Variants in DPP10 observed in about 807,000 individuals in gnomAD.
DPP10 encodes the protein dipeptidyl peptidase like 10, also known as inactive dipeptidyl peptidase 10.
DPP10 carries 33 observed loss-of-function variants against 120.9 expected under a neutral mutation model. The ratio of observed to expected loss-of-function variants is 0.27; its 90% confidence interval spans 0.21 to 0.37. DPP10 has a LOEUF of 0.37. Ranked by LOEUF, DPP10 falls within the 10% of genes least tolerant of loss-of-function variation. DPP10 has a pLI of 1.00. For missense variants in DPP10, 816 were observed against 942.8 expected (o/e 0.87, Z 1.76); for synonymous variants, 337 against 326.1 (o/e 1.03, Z -0.36).
chr2:114,566,820 G>C (rs1249473585), intron 1 of DPP10, among the ~76,000 whole-genome samples: 1 of 152,136 alleles, frequency 6.6e-6, no homozygotes, highest in East Asian at 1.9e-4. Flanking sequence ...TTTTCCTCTG[G>C]AGCTGAGGCA....
At chr2:115,158,981 G>GT (rs201249344) in intron 1 of DPP10, among the ~76,000 whole-genome samples, 461 of 144,942 alleles carry the variant, frequency 3.2e-3, no homozygotes, top group African/African-American at 4.0e-3. Flanking sequence ...TATCTATTGA[G>GT]TTTTTTTTTT....
chr2:114,505,007 G>GCGCCAACATCA (rs1280432940), intron 1 of DPP10, among the ~76,000 whole-genome samples: 3 of 134,932 alleles, frequency 2.2e-5, no homozygotes, highest in Non-Finnish European at 4.6e-5. Context: ...AGCCAACATC[G>GCGCCAACATCA]CGCCACTGCA....
chr2:115,651,966 C>T (rs1174413234), intron 5 of DPP10, among the ~76,000 whole-genome samples: 1 of 151,978 alleles, frequency 6.6e-6, no homozygotes, highest in Non-Finnish European at 1.5e-5. Context: ...TCAATGACAT[C>T]TGTAGGTTAA....
intron 1 of DPP10, among the ~76,000 whole-genome samples, chr2:114,883,528 A>G (rs936681746): frequency 7.2e-5 from 11 of 152,170 alleles, no homozygotes; most frequent in South Asian, 2.1e-4. Context: ...TGCTCATTTC[A>G]GTTCATTTGG....
At chr2:115,556,154 G>A (rs2080195813) in intron 5 of DPP10, among the ~76,000 whole-genome samples, 1 of 151,914 alleles carries the variant, frequency 6.6e-6, no homozygotes, top group Admixed American at 6.6e-5. Context: ...TTTACTGAGT[G>A]GTAAAGATGA....
chr2:114,808,326 G>A (rs1684906550), intron 1 of DPP10, among the ~76,000 whole-genome samples: 1 of 152,042 alleles, frequency 6.6e-6, no homozygotes, highest in Non-Finnish European at 1.5e-5. Flanking sequence ...CAATACTTCT[G>A]TAAACATTCT....
At chr2:115,325,998 A>G (rs1052722062) in intron 2 of DPP10, among the ~76,000 whole-genome samples, 5 of 152,162 alleles carry the variant, frequency 3.3e-5, no homozygotes. Context: ...CTTGAAGGTT[A>G]ATTGCAGTGT....
intron 1 of DPP10, among the ~76,000 whole-genome samples, chr2:114,789,205 T>C (rs1574192210): frequency 6.6e-6 from 1 of 152,080 alleles, no homozygotes; most frequent in South Asian, 2.1e-4. Flanking sequence ...ACATTTATGA[T>C]CTTCTATACA....
intron 1 of DPP10, among the ~76,000 whole-genome samples, chr2:114,750,482 T>C (rs960314320): frequency 6.6e-6 from 1 of 151,988 alleles, no homozygotes; most frequent in African/African-American, 2.4e-5. Flanking sequence ...CACAGGCGCC[T>C]GCCACCACGC....
At chr2:114,505,717 A>G (rs1270610581) in intron 1 of DPP10, among the ~76,000 whole-genome samples, 1 of 152,108 alleles carries the variant, frequency 6.6e-6, no homozygotes, top group East Asian at 1.9e-4. Flanking sequence ...CTGGGACACA[A>G]AGCCAGCTGC....
At chr2:114,932,910 A>T (rs760377641) in intron 1 of DPP10, among the ~76,000 whole-genome samples, 7 of 152,122 alleles carry the variant, frequency 4.6e-5, no homozygotes, top group Non-Finnish European at 8.8e-5. Context: ...AGCTTCCATC[A>T]CCTAACCCGG....
chr2:114,801,257 T>C (rs1368482664), intron 1 of DPP10, among the ~76,000 whole-genome samples: 1 of 99,868 alleles, frequency 1.0e-5, no homozygotes, highest in Non-Finnish European at 1.9e-5. Context: ...AACGAGACTC[T>C]GTATCAAAAA....
At chr2:114,495,153 A>G (rs1355481793) in intron 1 of DPP10, among the ~76,000 whole-genome samples, 1 of 152,170 alleles carries the variant, frequency 6.6e-6, no homozygotes, top group Non-Finnish European at 1.5e-5. Context: ...TTCATGGGCT[A>G]TTACATGTAT....
chr2:115,628,253 G>A (rs1276303316), intron 5 of DPP10, among the ~76,000 whole-genome samples: 1 of 152,078 alleles, frequency 6.6e-6, no homozygotes, highest in East Asian at 1.9e-4. Flanking sequence ...TCTGATTTAC[G>A]TTTCTCAATT....
chr2:115,196,275 C>T (rs145143371), intron 1 of DPP10, among the ~76,000 whole-genome samples: 76 of 152,276 alleles, frequency 5.0e-4, no homozygotes, highest in South Asian at 2.3e-3. Context: ...CATGTTCCTC[C>T]GTCAGACATT....
intron 1 of DPP10, among the ~76,000 whole-genome samples, chr2:115,052,283 G>T (rs1236959018): frequency 2.0e-5 from 3 of 151,934 alleles, no homozygotes; most frequent in African/African-American, 7.3e-5. Flanking sequence ...GGTTTCTTAA[G>T]TATGACTCCA....
At chr2:115,775,360 C>T (rs956758558) in intron 13 of DPP10, among the ~76,000 whole-genome samples, 51 of 151,294 alleles carry the variant, frequency 3.4e-4, no homozygotes, top group African/African-American at 1.2e-3. Flanking sequence ...ATAACTTGGA[C>T]AGTTCCAAAG....
At chr2:115,692,716 T>G (rs1329024098) in intron 7 of DPP10, among the ~76,000 whole-genome samples, 2 of 152,100 alleles carry the variant, frequency 1.3e-5, no homozygotes, top group Non-Finnish European at 2.9e-5. Context: ...AAGCCTCAAT[T>G]TTCTCATCTA....
intron 1 of DPP10, among the ~76,000 whole-genome samples, chr2:114,477,000 C>T (rs977763547): frequency 6.6e-6 from 1 of 151,916 alleles, no homozygotes; most frequent in Non-Finnish European, 1.5e-5. Context: ...ACTCTGTTGC[C>T]CAGGCTGGAG....
Sources: gnomAD v4.1 joint callset for allele counts (sites outside exome capture counted in the v4.1 genomes callset) on GRCh38, gnomAD v4.1.1 for gene constraint, MANE v1.5 for transcripts, NCBI Gene and HGNC (gene_info 2026-07-23, HGNC 2026-07-21) for gene names.